Variants in RAPGEF6 observed in about 807,000 individuals in gnomAD.
RAPGEF6 encodes the protein PDZ domain containing guanine nucleotide exchange factor (GEF) 2.
In RAPGEF6, 56 loss-of-function variants were observed where a neutral mutation model predicts 171.4. The ratio of observed to expected loss-of-function variants is 0.33; its 90% CI spans 0.26 to 0.41. The LOEUF is 0.41. RAPGEF6 is among the 10% of genes least tolerant of loss of function. The pLI, the probability that RAPGEF6 is intolerant of heterozygous loss-of-function variation, is 1.00. For missense variants in RAPGEF6, 1,674 were observed against 1,921.4 expected, an observed-to-expected ratio of 0.87 and a Z score of 2.41; for synonymous variants, 692 against 650.1, an observed-to-expected ratio of 1.06 and a Z score of -0.98.
chr5:131,553,080 CA>C (rs1761021950), intron 5 of RAPGEF6, among the ~76,000 whole-genome samples: 2 of 152,156 alleles, frequency 1.3e-5, no homozygotes, highest in African/African-American at 4.8e-5. Context: ...GCCCTCCTCC[CA>C]ACTGCCAGGC....
chr5:131,613,108 G>C (rs1765036154), intron 1 of RAPGEF6, among the ~76,000 whole-genome samples: 1 of 152,136 alleles, frequency 6.6e-6, no homozygotes, highest in Non-Finnish European at 1.5e-5. Flanking sequence ...GCATGACCCT[G>C]AACTAAAATA....
At chr5:131,599,847 C>CATAT in intron 3 of RAPGEF6, among the ~76,000 whole-genome samples, 1 of 152,206 alleles carries the variant, frequency 6.6e-6, no homozygotes, top group South Asian at 2.1e-4. Flanking sequence ...AAATGGCCAA[C>CATAT]GCATGGCATT....
rs1318394825 is a variant in RAPGEF6 at position 131,492,569 on chromosome 5, G to A, written c.1731+13C>T. 1 of 1,613,220 alleles carries A rather than the reference G, an allele frequency of 6.2e-7. No individual in the cohort carries two copies. Among genetic ancestry groups the A allele is most frequent in the South Asian group, 1.1e-5 (1 of 91,054 alleles). On this transcript the variant is annotated intron_variant, in intron 14 of 27. Transcript: ENST00000509018. ...AAGAAGGCTTGAATATAAGTGGTTG[G>A]TTATTTCCTTACCTGATCACCACGT...
intron 24 of RAPGEF6, chr5:131,435,911 T>C (rs1580819664): frequency 6.7e-7 from 1 of 1,491,208 alleles, no homozygotes; most frequent in Non-Finnish European, 8.9e-7. Context: ...CATTAATAAC[T>C]GAAAACAAAC....
intron 9 of RAPGEF6, among the ~76,000 whole-genome samples, chr5:131,507,011 G>C (rs1407928903): frequency 6.6e-6 from 1 of 151,356 alleles, no homozygotes; most frequent in Non-Finnish European, 1.5e-5. Flanking sequence ...AGAGCCTAGA[G>C]ACAGGGATCC....
At chr5:131,633,153 G>A (rs932574358) in intron 1 of RAPGEF6, among the ~76,000 whole-genome samples, 53 of 152,088 alleles carry the variant, frequency 3.5e-4, no homozygotes, top group African/African-American at 1.2e-3. Context: ...CCAACATGGT[G>A]AAATCCCGTC....
chr5:131,519,400 C>G (rs889853904), intron 7 of RAPGEF6, among the ~76,000 whole-genome samples: 8 of 152,018 alleles, frequency 5.3e-5, no homozygotes, highest in Non-Finnish European at 7.4e-5. Context: ...TATAGTTTTT[C>G]TTGTCTTTTC....
At chr5:131,434,922 C>T (rs969617562) in intron 24 of RAPGEF6, among the ~76,000 whole-genome samples, 6 of 152,184 alleles carry the variant, frequency 3.9e-5, no homozygotes, top group Admixed American at 2.6e-4. Context: ...TATCTTCTTG[C>T]TCACAGAGGA....
At chr5:131,606,364 GAAAAA>G (rs11357225) in intron 1 of RAPGEF6, among the ~76,000 whole-genome samples, 1 of 113,198 alleles carries the variant, frequency 8.8e-6, no homozygotes, top group Admixed American at 9.1e-5. Flanking sequence ...CATCTCAAGG[GAAAAA>G]AAAAAAAAAA....
rs532430305 is a variant in RAPGEF6 at position 131,436,943 on chromosome 5, T to G, written c.3745+2638A>C. Among the ~76,000 whole-genome samples, 55 of 152,318 alleles carry G rather than the reference T, an allele frequency of 3.6e-4. 1 individual carries two copies. In the South Asian group the frequency reaches 7.9e-3, roughly 22 times the overall value. On this transcript the variant is annotated intron_variant, in intron 24 of 27. Coordinates refer to ENST00000509018, the MANE Select transcript of RAPGEF6 (RefSeq NM_016340.6). The stretch of plus-strand genomic sequence containing the variant: ...TCTTTTTTAAAGTTCTTGTTTAAAC[T>G]ATCCTCATGCAAAACATGAAGACAG...
chr5:131,571,510 A>G (rs1762282889), intron 4 of RAPGEF6, among the ~76,000 whole-genome samples: 1 of 152,226 alleles, frequency 6.6e-6, no homozygotes. Context: ...AAGATGTAAG[A>G]TCAGCATATA....
chr5:131,548,589 GTA>G (rs1760706679), intron 5 of RAPGEF6, among the ~76,000 whole-genome samples: 1 of 152,110 alleles, frequency 6.6e-6, no homozygotes, highest in South Asian at 2.1e-4. Context: ...TTGTTAAAAA[GTA>G]AAACAAGAAA....
At chr5:131,528,199 T>C (rs1227563164) in intron 6 of RAPGEF6, among the ~76,000 whole-genome samples, 1 of 126,066 alleles carries the variant, frequency 7.9e-6, no homozygotes, top group Non-Finnish European at 1.6e-5. Context: ...TATAATTATA[T>C]ATATTATATA....
At chr5:131,594,262 CA>C (rs1304542887) in intron 3 of RAPGEF6, among the ~76,000 whole-genome samples, 3 of 152,216 alleles carry the variant, frequency 2.0e-5, no homozygotes, top group African/African-American at 7.2e-5. Context: ...ACTGTGTGGC[CA>C]AAAGGGGCCA....
chr5:131,517,780 T>TAC (rs36091456), intron 7 of RAPGEF6, among the ~76,000 whole-genome samples: 3,181 of 140,440 alleles, frequency 0.023, 62 homozygotes, highest in African/African-American at 0.05. Context: ...TTCGCGCATG[T>TAC]ACACACACAC....
intron 1 of RAPGEF6, among the ~76,000 whole-genome samples, chr5:131,616,752 A>G (rs1263152426): frequency 6.7e-6 from 1 of 149,716 alleles, no homozygotes; most frequent in Non-Finnish European, 1.5e-5. Context: ...CCCTCCTGAG[A>G]CTCTCGAGTG....
At chr5:131,628,060 G>A (rs1164575710) in intron 1 of RAPGEF6, among the ~76,000 whole-genome samples, 2 of 151,994 alleles carry the variant, frequency 1.3e-5, no homozygotes, top group Non-Finnish European at 2.9e-5. Flanking sequence ...ATAACAATAC[G>A]GAAATTAGGC....
chr5:131,607,782 C>G (rs893143487), intron 1 of RAPGEF6, among the ~76,000 whole-genome samples: 2 of 152,056 alleles, frequency 1.3e-5, no homozygotes, highest in Admixed American at 1.3e-4. Flanking sequence ...TGAAGTTTTT[C>G]GGGATACAGT....
At chr5:131,560,360 CAAT>C (rs1761522873) in intron 5 of RAPGEF6, among the ~76,000 whole-genome samples, 1 of 152,198 alleles carries the variant, frequency 6.6e-6, no homozygotes, top group Non-Finnish European at 1.5e-5. Context: ...ATTGCACCAA[CAAT>C]GTCATTTATA....
Sources: allele counts gnomAD v4.1 joint callset (sites outside exome capture counted in the v4.1 genomes callset), GRCh38; gene constraint gnomAD v4.1.1; transcripts MANE v1.5; gene names NCBI Gene and HGNC (gene_info 2026-07-23, HGNC 2026-07-21).